The following MESD variants were observed in gnomAD, a reference collection of about 807,000 sequenced individuals.
The protein encoded by MESD is LRP chaperone MESD.
Under a neutral mutation model 12.9 loss-of-function variants are expected in MESD, and 7 were observed. That is an observed-to-expected ratio of 0.54 (90% CI 0.31 to 1.02). The LOEUF (loss-of-function observed/expected upper bound fraction) is 1.02. Among genes scored for constraint, MESD ranks in the 50% least tolerant of loss-of-function variants. The pLI, the probability that MESD is intolerant of heterozygous loss-of-function variation, is 0.05. For missense variants in MESD, 342 were observed against 296.7 expected, an observed-to-expected ratio of 1.15 and a Z score of -1.12; for synonymous variants, 126 against 115.6, an observed-to-expected ratio of 1.09 and a Z score of -0.58.
At chr15:80,953,153 G>C (rs1037683210) in intron 3 of MESD, 17 of 449,264 alleles carry the variant, frequency 3.8e-5, no homozygotes, top group Middle Eastern at 3.3e-4. Context: ...GCTCAGTCAT[G>C]AGAGGCAAAG....
downstream of MESD, among the ~76,000 whole-genome samples, chr15:80,975,324 G>A (rs1902383328): frequency 6.6e-6 from 1 of 151,980 alleles, no homozygotes; most frequent in African/African-American, 2.4e-5. Flanking sequence ...GTTTGAGGCT[G>A]CAGTGAGCTA....
chr15:80,972,006 C>T (rs1469876424), downstream of MESD, among the ~76,000 whole-genome samples: 3 of 150,456 alleles, frequency 2.0e-5, no homozygotes, highest in African/African-American at 7.3e-5. Context: ...AGGAAAACTG[C>T]TCATTTCAAC....
intron 1 of MESD, among the ~76,000 whole-genome samples, chr15:80,982,613 A>C (rs904489436): frequency 1.3e-5 from 2 of 152,236 alleles, no homozygotes; most frequent in African/African-American, 2.4e-5. Flanking sequence ...GTTTATTTAA[A>C]ATTCAAGAAT....
Position 80,979,111 on chromosome 15 carries a change from T to TG in MESD, c.*107_*108insC. On this transcript the variant is annotated 3_prime_UTR_variant, in exon 3 of 3. Transcript: ENST00000261758. Reference sequence around the variant, plus strand: ...GTGGCAGACCCTTTCTAGAAGACACTAGAATGTCATCCGGTGTGCAGTTGC... The same window carrying TG: ...GTGGCAGACCCTTTCTAGAAGACACTGAGAATGTCATCCGGTGTGCAGTTGC... 7.0e-7 allele frequency: 1 copy of TG among 1,438,616 alleles called. No individual in the cohort carries two copies. The highest frequency in any genetic ancestry group is 1.9e-4 in the Middle Eastern group (1 of 5,336). The allele number at this position is 1,438,616 out of a possible 1,614,324, so 89.1% of individuals were successfully genotyped here. A position where few individuals can be genotyped will look rare whatever the true frequency, so the allele number is the denominator to read the frequency against.
downstream of MESD, among the ~76,000 whole-genome samples, chr15:80,972,131 T>C (rs570045021): frequency 3.3e-5 from 5 of 152,130 alleles, no homozygotes; most frequent in East Asian, 3.9e-4. Context: ...CTCCCTCACA[T>C]AGATGGATAA....
chr15:80,957,681 C>T (rs992060413), intron 3 of MESD, among the ~76,000 whole-genome samples: 1 of 152,110 alleles, frequency 6.6e-6, no homozygotes, highest in Non-Finnish European at 1.5e-5. Flanking sequence ...AGTCTACAAG[C>T]CTGAGACCCA....
chr15:80,982,256 T>G (rs1300624437), intron 1 of MESD, 74 bp from the exon 2 acceptor site: 6 of 1,196,028 alleles, frequency 5.0e-6, no homozygotes, highest in Non-Finnish European at 7.4e-6. Flanking sequence ...CAAAAACTTC[T>G]GCATGATGTC....
intron 3 of MESD, among the ~76,000 whole-genome samples, chr15:80,966,492 A>C (rs879543498): frequency 2.0e-5 from 3 of 152,236 alleles, no homozygotes; most frequent in Non-Finnish European, 4.4e-5. Flanking sequence ...TATTACAGAC[A>C]GAGAGACCTG....
At chr15:80,952,044 T>C (rs1173095453) in exon 4 of MESD, 2 of 371,032 alleles carry the variant, frequency 5.4e-6, no homozygotes, top group Non-Finnish European at 1.1e-5. Flanking sequence ...TGGCTGGCCA[T>C]GTCCAGAACT....
intron 3 of MESD, chr15:80,952,793 G>A (rs926934384): frequency 1.4e-5 from 5 of 361,640 alleles, no homozygotes; most frequent in African/African-American, 4.3e-5. Flanking sequence ...GAGAGTACAC[G>A]GCCTCTACCT....
chr15:80,982,147 C>T lies in MESD; in HGVS notation c.249G>A (p.Glu83=), dbSNP rs1200087639. The T allele has an allele frequency of 1.2e-6, 2 of 1,614,058 alleles. No homozygotes were observed. Among genetic ancestry groups the T allele is most frequent in the South Asian group, 2.2e-5 (2 of 91,074 alleles). Residue 83 remains glutamate, a synonymous_variant, in exon 2 of 3, where the codon GAG becomes GAA. Coordinates refer to ENST00000261758, the MANE Select transcript of MESD (RefSeq NM_015154.3). The part of the protein sequence containing the change: ...DDDIEEGDLP[E]HKRPSAPVDF... ...CGACAGGTGCTGAAGGTCTCTTGTG[C>T]TCTGGAAGATCTCCTTCTTCAATGT...
At position 80,979,486 on chromosome 15, in the gene MESD, G is replaced by A. The variant is rs781283514; in HGVS notation, c.447-9C>T. ...CTGATCCCACAATGAACCTTGGGCAGAGAGATGCAATCAGTCAGCCAGCAC... is the reference window on the plus strand; with the variant it reads ...CTGATCCCACAATGAACCTTGGGCAAAGAGATGCAATCAGTCAGCCAGCAC... On this transcript the variant is annotated splice_polypyrimidine_tract_variant and intron_variant, in intron 2 of 2. Coordinates refer to ENST00000261758, the MANE Select transcript of MESD (RefSeq NM_015154.3). 2 of 1,611,644 alleles carry A rather than the reference G, an allele frequency of 1.2e-6. No homozygotes were observed. The highest frequency in any genetic ancestry group is 2.2e-5 in the East Asian group (1 of 44,800).
intron 2 of MESD, among the ~76,000 whole-genome samples, chr15:80,981,564 C>A (rs1902579303): frequency 6.6e-6 from 1 of 151,720 alleles, no homozygotes; most frequent in Admixed American, 6.6e-5. Flanking sequence ...CAGGAAAAGC[C>A]CCAGCACAGG....
At chr15:80,956,061 A>G (rs921056484) in intron 3 of MESD, among the ~76,000 whole-genome samples, 2 of 152,094 alleles carry the variant, frequency 1.3e-5, no homozygotes, top group Non-Finnish European at 2.9e-5. Context: ...GTGATGGCTC[A>G]TGCCTGTGGT....
Position 80,989,816 on chromosome 15 carries a change from A to G in MESD, c.-25T>C, listed in dbSNP as rs1162634525. On this transcript the variant is annotated 5_prime_UTR_variant, in exon 1 of 3. Coordinates refer to ENST00000261758, the MANE Select transcript of MESD (RefSeq NM_015154.3). ...TTTTCGCTGCGCCGCGCAGCGCCCT[A>G]GACGCGCTTACCCGACCTGCGCGGG... 4 of 1,541,588 alleles carry G rather than the reference A, an allele frequency of 2.6e-6. No individual in the cohort carries two copies. The South Asian group carries it at 3.5e-5, about 13-fold the overall frequency.
In MESD at chr15:80,978,857, C is replaced by T. The variant is rs1902492361; in HGVS notation, c.*362G>A. ...GTCTTCTCTGATCAGAATTTGCTAT[C>T]TGATCAGAGCAGGCCACCCAATCAC... On this transcript the variant is annotated 3_prime_UTR_variant, in exon 3 of 3. Transcript: ENST00000261758. 4.4e-6 allele frequency: 1 copy of T among 225,574 alleles called. No homozygotes were observed. The highest frequency in any genetic ancestry group is 8.6e-6 in the Non-Finnish European group (1 of 115,832). The allele number at this position is 225,574 out of a possible 1,614,324, so 14.0% of individuals were successfully genotyped here.
At chr15:80,949,657 G>A (rs981781570) in intron 4 of MESD, 4 of 157,272 alleles carry the variant, frequency 2.5e-5, no homozygotes, top group Admixed American at 6.0e-5. Context: ...CAGCGCACAC[G>A]GGATGGAGAG....
chr15:80,963,771 A>C (rs1902129306), intron 3 of MESD, among the ~76,000 whole-genome samples: 1 of 152,214 alleles, frequency 6.6e-6, no homozygotes, highest in African/African-American at 2.4e-5. Context: ...CTTCGAGAAA[A>C]TTCACCAGCC....
chr15:80,958,521 T>C (rs2141787610), intron 3 of MESD, among the ~76,000 whole-genome samples: 2 of 152,188 alleles, frequency 1.3e-5, no homozygotes, highest in East Asian at 3.9e-4. Flanking sequence ...TTGGTAGAGA[T>C]GGGGTTTTGC....
Sources: gnomAD v4.1 joint callset for allele counts (sites outside exome capture counted in the v4.1 genomes callset) on GRCh38, gnomAD v4.1.1 for gene constraint, MANE v1.5 for transcripts, NCBI Gene and HGNC (gene_info 2026-07-23, HGNC 2026-07-21) for gene names.